FAM151B: variants seen among roughly 807,000 people sequenced by gnomAD.
FAM151B encodes protein FAM151B.
In FAM151B, 24 loss-of-function variants were observed where a neutral mutation model predicts 31.2. The ratio of observed to expected loss-of-function variants is 0.77; its 90% confidence interval spans 0.56 to 1.08. The LOEUF is 1.08. Among genes scored for constraint, FAM151B ranks in the 50% least tolerant of loss-of-function variants. FAM151B has a pLI of 0.00. For missense variants in FAM151B, 293 were observed against 328.6 expected, an observed-to-expected ratio of 0.89 and a Z score of 0.84; for synonymous variants, 105 against 111.4, an observed-to-expected ratio of 0.94 and a Z score of 0.36.
At chr5:80,504,880 C>T (rs768257983) in intron 2 of FAM151B, among the ~76,000 whole-genome samples, 10 of 152,176 alleles carry the variant, frequency 6.6e-5, no homozygotes, top group Non-Finnish European at 1.0e-4. Flanking sequence ...CCTTCCCCAA[C>T]TTCATCCTGG....
intron 1 of FAM151B, among the ~76,000 whole-genome samples, chr5:80,489,084 GT>G (rs1311451118): frequency 6.6e-6 from 1 of 151,886 alleles, no homozygotes. Flanking sequence ...TGTCACCAAG[GT>G]TTTTATAAAC....
At position 80,541,941 on chromosome 5, in the gene FAM151B, T is replaced by A. The variant is rs1183768323; in HGVS notation, c.*109T>A. 1.7e-6 allele frequency: 2 copies of A among 1,193,212 alleles called. No homozygotes were observed. Among genetic ancestry groups the A allele is most frequent in the African/African-American group, 1.6e-5 (1 of 64,474 alleles). The allele number at this position is 1,193,212 out of a possible 1,614,324, so 73.9% of individuals were successfully genotyped here. On this transcript the variant is annotated 3_prime_UTR_variant, in exon 6 of 6. Transcript: ENST00000282226. ...GGTTATTGATTGACGTTCCAAGTCATCTAATCAAGAAACGTTTATTGTATG... is the reference window on the plus strand; with the variant it reads ...GGTTATTGATTGACGTTCCAAGTCAACTAATCAAGAAACGTTTATTGTATG...
In FAM151B at chr5:80,525,291, T is replaced by C. The variant is rs117083584; in HGVS notation, c.671+3153T>C. ...AATTGTGCATGAATGAATCCTGCAA[T>C]GTCAAGAGAGCTATTTGAAATAAGA... On this transcript the variant is annotated intron_variant, in intron 5 of 5. Transcript: ENST00000282226. Among the ~76,000 whole-genome samples, 468 of 152,296 alleles carry C rather than the reference T, an allele frequency of 3.1e-3. 5 individuals carry two copies. The East Asian group carries it at 0.048, about 16-fold the overall frequency.
intron 1 of FAM151B, among the ~76,000 whole-genome samples, chr5:80,491,338 C>T (rs1227015127): frequency 6.6e-6 from 1 of 152,082 alleles, no homozygotes; most frequent in Non-Finnish European, 1.5e-5. Flanking sequence ...GCCTCAGCCT[C>T]CTGAATAGCA....
intron 1 of FAM151B, among the ~76,000 whole-genome samples, chr5:80,493,359 A>G (rs1261510699): frequency 6.6e-6 from 1 of 152,082 alleles, no homozygotes; most frequent in Non-Finnish European, 1.5e-5. Context: ...GTACAAACTG[A>G]TTGTAAAACA....
Position 80,497,798 on chromosome 5 carries a change from TA to T in FAM151B, c.26-3993del, listed in dbSNP as rs1561360699. Among the ~76,000 whole-genome samples, 226 of 81,814 alleles carry T rather than the reference TA, an allele frequency of 2.8e-3. 1 individual carries two copies. Among genetic ancestry groups the T allele is most frequent in the African/African-American group, 0.011 (217 of 19,820 alleles). The allele number at this position is 81,814 out of a possible 152,430, so 53.7% of individuals were successfully genotyped here. On this transcript the variant is annotated intron_variant, in intron 1 of 5. Transcript: ENST00000282226. ...TCACACACCAGGGCCTGTCGTGGGG[TA>T]GGGGGAGGGGGGAGGGATAGCATGA... is the stretch of plus-strand genomic sequence containing the variant.
At chr5:80,534,823 T>C (rs1219835607) in intron 5 of FAM151B, among the ~76,000 whole-genome samples, 12 of 152,202 alleles carry the variant, frequency 7.9e-5, no homozygotes, top group Non-Finnish European at 1.6e-4. Context: ...AAATTATCCT[T>C]GTTTGCAGAT....
At chr5:80,490,297 G>C (rs1405902553) in intron 1 of FAM151B, among the ~76,000 whole-genome samples, 3 of 152,122 alleles carry the variant, frequency 2.0e-5, no homozygotes, top group Non-Finnish European at 1.5e-5. Flanking sequence ...GGAGGAGACT[G>C]AGGCGGGAGA....
At chr5:80,526,343 C>T (rs1458885289) in intron 5 of FAM151B, among the ~76,000 whole-genome samples, 3 of 151,774 alleles carry the variant, frequency 2.0e-5, no homozygotes, top group Non-Finnish European at 2.9e-5. Context: ...CACAGTGTCT[C>T]ATGTGTGTAA....
chr5:80,525,465 C>T (rs1035622020), intron 5 of FAM151B, among the ~76,000 whole-genome samples: 6 of 152,106 alleles, frequency 3.9e-5, no homozygotes, highest in African/African-American at 1.4e-4. Flanking sequence ...CATACCTGTT[C>T]AAAGAACAGG....
At chr5:80,538,564 C>CCTTCCTTCCTTT (rs1745709211) in intron 5 of FAM151B, among the ~76,000 whole-genome samples, 1 of 123,614 alleles carries the variant, frequency 8.1e-6, no homozygotes, top group Admixed American at 8.2e-5. Flanking sequence ...TTCCTTCCTT[C>CCTTCCTTCCTTT]CTTCCTTCCC....
At chr5:80,515,551 C>T (rs183439133) in intron 3 of FAM151B, among the ~76,000 whole-genome samples, 9 of 152,258 alleles carry the variant, frequency 5.9e-5, no homozygotes, top group Admixed American at 3.9e-4. Context: ...TTTCCTGGGA[C>T]ATATTCTTTG....
intron 2 of FAM151B, 38 bp downstream of exon 2, chr5:80,501,955 A>C: frequency 6.7e-7 from 1 of 1,485,534 alleles, no homozygotes; most frequent in Non-Finnish European, 9.0e-7. Context: ...ACTTTGGATA[A>C]TAGATTAATT....
intron 1 of FAM151B, 87 bp downstream of exon 1, chr5:80,488,235 G>T: frequency 6.9e-7 from 1 of 1,457,914 alleles, no homozygotes; most frequent in Non-Finnish European, 9.1e-7. Flanking sequence ...GGGCTCCCGC[G>T]GTCTTCCTTG....
At chr5:80,488,901 C>G (rs192318056) in intron 1 of FAM151B, among the ~76,000 whole-genome samples, 13 of 151,910 alleles carry the variant, frequency 8.6e-5, no homozygotes, top group Admixed American at 1.3e-4. Context: ...CATTATAGAA[C>G]ATTTATAAAG....
At position 80,513,724 on chromosome 5, in the gene FAM151B, C is replaced by G. The variant is rs759613582; in HGVS notation, c.272C>G (p.Thr91Ser). ...NSDNTLQEWL[T>S]EVMKSNKGIK... Reference sequence around the variant, plus strand: ...GATAATACTCTACAGGAGTGGCTGACTGAAGTTATGAAAAGCAATAAAGGC... The same window carrying G: ...GATAATACTCTACAGGAGTGGCTGAGTGAAGTTATGAAAAGCAATAAAGGC... Residue 91 changes from threonine to serine, a missense_variant, in exon 3 of 6, where the codon ACT (threonine) becomes AGT (serine). Coordinates refer to ENST00000282226, the MANE Select transcript of FAM151B (RefSeq NM_205548.3). The G allele has an allele frequency of 6.2e-7, 1 of 1,613,036 alleles. No homozygotes were observed. Among genetic ancestry groups the G allele is most frequent in the East Asian group, 2.2e-5 (1 of 44,848 alleles).
At position 80,488,159 on chromosome 5, in the gene FAM151B, A is replaced by G; in HGVS notation, c.25+11A>G. On this transcript the variant is annotated intron_variant, in intron 1 of 5. Transcript: ENST00000282226. ...CCGCTGGAGGCCCAGGTAAGCGCCG[A>G]GCGCGCGGCCTCTGCCTGGAGGTGG... The G allele has an allele frequency of 6.5e-7, 1 of 1,541,222 alleles. No homozygotes were observed. The highest frequency in any genetic ancestry group is 8.7e-7 in the Non-Finnish European group (1 of 1,145,678).
intron 1 of FAM151B, among the ~76,000 whole-genome samples, chr5:80,492,710 TG>T (rs1452320726): frequency 7.9e-5 from 12 of 152,276 alleles, no homozygotes; most frequent in Admixed American, 7.8e-4. Flanking sequence ...CCCAGAACTT[TG>T]GGAGGCTGAG....
chr5:80,535,692 T>C (rs925147252), intron 5 of FAM151B, among the ~76,000 whole-genome samples: 14 of 152,196 alleles, frequency 9.2e-5, no homozygotes, highest in African/African-American at 3.4e-4. Flanking sequence ...AAGATTTCTT[T>C]AGTAATACCC....
Sources: allele counts gnomAD v4.1 joint callset (sites outside exome capture counted in the v4.1 genomes callset), GRCh38; gene constraint gnomAD v4.1.1; transcripts MANE v1.5; gene names NCBI Gene and HGNC (gene_info 2026-07-23, HGNC 2026-07-21).